PTPRD: variants seen among roughly 807,000 people sequenced by gnomAD.
The protein encoded by PTPRD is receptor-type tyrosine-protein phosphatase delta.
Under a neutral mutation model 214.5 loss-of-function variants are expected in PTPRD, and 34 were observed. The observed-to-expected ratio is 0.16, with a 90% CI of 0.12 to 0.21. The LOEUF (loss-of-function observed/expected upper bound fraction) is 0.21. PTPRD is among the 10% of genes least tolerant of loss of function. The probability of loss-of-function intolerance (pLI) is 1.00; values close to 1 mark genes in which losing one functional copy is unlikely to be tolerated. For synonymous variants in PTPRD, 1,128 were observed against 845.7 expected, an observed-to-expected ratio of 1.33 and a Z score of -5.79; for missense variants, 2,545 against 2,398.7, an observed-to-expected ratio of 1.06 and a Z score of -1.27.
At chr9:8,825,402 ATT>A (rs2097155465) in intron 11 of PTPRD, among the ~76,000 whole-genome samples, 1 of 152,214 alleles carries the variant, frequency 6.6e-6, no homozygotes, top group South Asian at 2.1e-4. Flanking sequence ...AAATAACTAT[ATT>A]GTCATAAGAA....
intron 10 of PTPRD, among the ~76,000 whole-genome samples, chr9:9,088,021 A>G (rs879365911): frequency 3.1e-4 from 46 of 150,058 alleles, no homozygotes; most frequent in Admixed American, 3.0e-3. Flanking sequence ...AGCTGGAATT[A>G]CAAGCGTGCA....
intron 3 of PTPRD, among the ~76,000 whole-genome samples, chr9:10,212,426 A>T (rs1341371842): frequency 6.6e-6 from 1 of 152,156 alleles, no homozygotes; most frequent in Admixed American, 6.6e-5. Flanking sequence ...TGTATGTTCC[A>T]TATGATTAAG....
intron 39 of PTPRD, among the ~76,000 whole-genome samples, chr9:8,371,921 G>A (rs1318265558): frequency 1.3e-5 from 2 of 151,880 alleles, no homozygotes; most frequent in East Asian, 3.9e-4. Context: ...AGGTGCGAAG[G>A]GTGAGATCAG....
intron 11 of PTPRD, among the ~76,000 whole-genome samples, chr9:9,010,435 G>A (rs918750909): frequency 6.6e-6 from 1 of 152,156 alleles, no homozygotes; most frequent in African/African-American, 2.4e-5. Context: ...GACTGCATCA[G>A]CTAGGCTCTC....
At chr9:8,820,518 T>C (rs553403502) in intron 11 of PTPRD, among the ~76,000 whole-genome samples, 1 of 152,338 alleles carries the variant, frequency 6.6e-6, no homozygotes, top group African/African-American at 2.4e-5. Flanking sequence ...TGTTTGGTGT[T>C]TCATTTACCA....
At chr9:10,362,619 C>T (rs1044253870) in intron 2 of PTPRD, among the ~76,000 whole-genome samples, 2 of 152,152 alleles carry the variant, frequency 1.3e-5, no homozygotes, top group East Asian at 3.9e-4. Context: ...TGGTGGCTCA[C>T]GCCTGGAATC....
intron 12 of PTPRD, among the ~76,000 whole-genome samples, chr9:8,693,300 T>A (rs2154383739): frequency 6.6e-6 from 1 of 152,292 alleles, no homozygotes; most frequent in South Asian, 2.1e-4. Context: ...TCCTATGGAC[T>A]TGAAAGAAAC....
chr9:10,188,906 T>C (rs1019055986), intron 3 of PTPRD, among the ~76,000 whole-genome samples: 2 of 152,078 alleles, frequency 1.3e-5, no homozygotes, highest in Non-Finnish European at 2.9e-5. Context: ...ATTCTGGGGG[T>C]TGGGAATTTA....
chr9:10,040,011 T>G (rs2097266531), intron 3 of PTPRD, among the ~76,000 whole-genome samples: 1 of 152,062 alleles, frequency 6.6e-6, no homozygotes, highest in Non-Finnish European at 1.5e-5. Context: ...AGTCAGAATT[T>G]CAAAGGCATG....
chr9:9,644,373 T>C (rs2096073380), intron 7 of PTPRD, among the ~76,000 whole-genome samples: 1 of 152,180 alleles, frequency 6.6e-6, no homozygotes, highest in African/African-American at 2.4e-5. Flanking sequence ...AGATAACCAG[T>C]ATCATCAATC....
chr9:8,627,584 C>G (rs2096083644), intron 14 of PTPRD, among the ~76,000 whole-genome samples: 1 of 151,856 alleles, frequency 6.6e-6, no homozygotes, highest in Admixed American at 6.6e-5. Context: ...CAAGTGTGCT[C>G]ATTTTTTCTG....
chr9:9,097,867 G>C (rs1306299059), intron 10 of PTPRD, among the ~76,000 whole-genome samples: 2 of 152,012 alleles, frequency 1.3e-5, no homozygotes, highest in African/African-American at 4.8e-5. Context: ...TTTTCCTAAG[G>C]AGTAAACATT....
Position 10,550,762 on chromosome 9 carries a change from T to C in PTPRD, c.-600+61636A>G, listed in dbSNP as rs549789844. On this transcript the variant is annotated intron_variant, in intron 2 of 45. Transcript: ENST00000381196. ...GATGCTGGAAAGATGCAAAGAACTA[T>C]CTATCTCAGCTTCAGCTCTTCTGAA... Among the ~76,000 whole-genome samples, 7 of 152,298 alleles carry C rather than the reference T, an allele frequency of 4.6e-5. No individual in the cohort carries two copies. The South Asian group carries it at 1.5e-3, about 32-fold the overall frequency.
intron 3 of PTPRD, among the ~76,000 whole-genome samples, chr9:10,294,231 G>C (rs1206300884): frequency 6.6e-6 from 1 of 151,858 alleles, no homozygotes; most frequent in Non-Finnish European, 1.5e-5. Context: ...ATACCAGCCA[G>C]GCTAAACCTC....
intron 9 of PTPRD, among the ~76,000 whole-genome samples, chr9:9,247,025 C>T (rs904102020): frequency 1.2e-4 from 17 of 143,296 alleles, no homozygotes; most frequent in African/African-American, 4.6e-4. Context: ...ATCAGAATTC[C>T]TCTTTCCCAA....
chr9:8,485,717 T>C (rs752569377), intron 28 of PTPRD, 45 bp downstream of exon 28: 7 of 1,491,218 alleles, frequency 4.7e-6, no homozygotes, highest in Non-Finnish European at 6.4e-6. Flanking sequence ...TTCCAAAGAC[T>C]GACAATCCTT....
At position 10,207,055 on chromosome 9, in the gene PTPRD, T is replaced by C. The variant is rs13284796; in HGVS notation, c.-545+133908A>G. ...GTATATGAGCTGATGAGTTTTATTGTATTCATCATCTATCTATATCTCTAT... is the reference window on the plus strand; with the variant it reads ...GTATATGAGCTGATGAGTTTTATTGCATTCATCATCTATCTATATCTCTAT... On this transcript the variant is annotated intron_variant, in intron 3 of 45. Transcript: ENST00000381196. Among the ~76,000 whole-genome samples the C allele has an allele frequency of 4.6e-5, 7 of 152,246 alleles. No homozygotes were observed. In the South Asian group the frequency reaches 1.0e-3, roughly 23 times the overall value.
chr9:10,143,320 T>C (rs1206448964), intron 3 of PTPRD, among the ~76,000 whole-genome samples: 1 of 150,176 alleles, frequency 6.7e-6, no homozygotes, highest in Non-Finnish European at 1.5e-5. Context: ...ATGCTCATTA[T>C]CACTAATCAG....
chr9:8,424,762 C>G (rs148439458), intron 35 of PTPRD, among the ~76,000 whole-genome samples: 1 of 152,020 alleles, frequency 6.6e-6, no homozygotes, highest in Admixed American at 6.6e-5. Flanking sequence ...AGAGAAAGAA[C>G]AAATTAAATC....
Sources: gnomAD v4.1 joint callset for allele counts (sites outside exome capture counted in the v4.1 genomes callset) on GRCh38, gnomAD v4.1.1 for gene constraint, MANE v1.5 for transcripts, NCBI Gene and HGNC (gene_info 2026-07-23, HGNC 2026-07-21) for gene names.